DNAJC1: variants seen among roughly 807,000 people sequenced by gnomAD.
DNAJC1 encodes the protein DnaJ heat shock protein family (Hsp40) member C1, also known as dnaJ homolog subfamily C member 1.
Under a neutral mutation model 76.6 loss-of-function variants are expected in DNAJC1, and 58 were observed. The observed-to-expected ratio is 0.76, with a 90% CI of 0.61 to 0.94. DNAJC1 has a LOEUF of 0.94. Ranked by LOEUF, DNAJC1 falls within the 40% of genes least tolerant of loss-of-function variation. The probability of loss-of-function intolerance (pLI) is 0.00; values close to 1 mark genes in which losing one functional copy is unlikely to be tolerated. For synonymous variants in DNAJC1, 258 were observed against 267.9 expected, an observed-to-expected ratio of 0.96 and a Z score of 0.36; for missense variants, 689 against 677.3, an observed-to-expected ratio of 1.02 and a Z score of -0.19.
intron 3 of DNAJC1, among the ~76,000 whole-genome samples, chr10:21,928,226 A>G (rs1467143186): frequency 6.6e-6 from 1 of 152,140 alleles, no homozygotes; most frequent in Non-Finnish European, 1.5e-5. Flanking sequence ...TGTATCTCCC[A>G]GGGCATAAAC....
At chr10:21,803,589 C>CTG (rs113615504) in intron 9 of DNAJC1, among the ~76,000 whole-genome samples, 26,658 of 140,508 alleles carry the variant, frequency 0.19, 2,891 homozygotes, top group African/African-American at 0.35. Flanking sequence ...GAGTGATTTT[C>CTG]TGTGTGTGTG....
intron 8 of DNAJC1, among the ~76,000 whole-genome samples, chr10:21,867,080 T>C (rs936247370): frequency 2.0e-5 from 3 of 152,106 alleles, no homozygotes; most frequent in Non-Finnish European, 4.4e-5. Flanking sequence ...AATATCAGTA[T>C]AGTAATTCTT....
intron 3 of DNAJC1, among the ~76,000 whole-genome samples, chr10:21,923,087 G>C (rs1796234737): frequency 6.6e-6 from 1 of 151,754 alleles, no homozygotes; most frequent in Admixed American, 6.6e-5. Context: ...AATTGTATTT[G>C]GTGTACAAAT....
At chr10:21,793,187 T>C (rs961557891) in intron 9 of DNAJC1, among the ~76,000 whole-genome samples, 21 of 152,170 alleles carry the variant, frequency 1.4e-4, no homozygotes, top group Middle Eastern at 3.4e-3. Flanking sequence ...ATGCCTGTAA[T>C]CCCAGCTACT....
In DNAJC1 at chr10:21,919,892, T is replaced by C. The variant is rs777562087; in HGVS notation, c.575A>G (p.Lys192Arg). Residue 192 changes from lysine (K) to arginine (R), a missense_variant, in exon 5 of 12, where the codon AAA (lysine) becomes AGA (arginine). By Grantham distance (26) the Lys-to-Arg change is conservative. Transcript: ENST00000376980. The part of the protein sequence containing the change: ...LLSRKKREKK[K>R]KTGSKSVDVS... ...ATCCACACTCTTGCTGCCAGTCTTT[T>C]TTTTCTTTTCTCTCTTTTTTCTACT... is the stretch of plus-strand genomic sequence containing the variant. The C allele has an allele frequency of 2.5e-6, 4 of 1,608,320 alleles. No individual in the cohort carries two copies. The Admixed American group carries it at 5.1e-5, about 20-fold the overall frequency.
chr10:21,899,921 A>C (rs1423692163), intron 7 of DNAJC1, among the ~76,000 whole-genome samples: 2 of 152,190 alleles, frequency 1.3e-5, no homozygotes, highest in Non-Finnish European at 2.9e-5. Flanking sequence ...ACTTTCCAGG[A>C]CTGGAAGTTG....
At chr10:21,789,177 C>T (rs150074247) in intron 9 of DNAJC1, among the ~76,000 whole-genome samples, 1 of 152,344 alleles carries the variant, frequency 6.6e-6, no homozygotes, top group African/African-American at 2.4e-5. Context: ...AAAGCCCCTA[C>T]AACCAAAGAA....
intron 1 of DNAJC1, among the ~76,000 whole-genome samples, chr10:21,966,383 T>G (rs1161038893): frequency 1.3e-5 from 2 of 152,102 alleles, no homozygotes; most frequent in East Asian, 1.9e-4. Context: ...TGAGCATCCA[T>G]TGATAATTCT....
intron 8 of DNAJC1, among the ~76,000 whole-genome samples, chr10:21,835,132 C>A (rs1482672446): frequency 6.6e-6 from 1 of 152,120 alleles, no homozygotes; most frequent in African/African-American, 2.4e-5. Flanking sequence ...GACAAAACTT[C>A]CAGAGGAACG....
intron 8 of DNAJC1, among the ~76,000 whole-genome samples, chr10:21,811,778 A>G (rs1478746848): frequency 6.6e-6 from 1 of 152,114 alleles, no homozygotes; most frequent in East Asian, 1.9e-4. Context: ...ATATTGTGTA[A>G]AACTCTCTCA....
chr10:21,819,357 C>T (rs919393923), intron 8 of DNAJC1, among the ~76,000 whole-genome samples: 7 of 151,808 alleles, frequency 4.6e-5, no homozygotes, highest in African/African-American at 7.3e-5. Context: ...GCCGAGATCA[C>T]GCCACTGCAC....
chr10:21,810,993 G>A (rs777556917), intron 8 of DNAJC1, among the ~76,000 whole-genome samples: 1 of 152,142 alleles, frequency 6.6e-6, no homozygotes, highest in African/African-American at 2.4e-5. Context: ...CAGCTACCAC[G>A]GGGTACTTTA....
chr10:21,974,993 T>C (rs1838039026), intron 1 of DNAJC1, among the ~76,000 whole-genome samples: 1 of 152,232 alleles, frequency 6.6e-6, no homozygotes, highest in African/African-American at 2.4e-5. Flanking sequence ...ATTATGTTTA[T>C]GAATATATAT....
At chr10:21,818,442 G>C (rs1240265851) in intron 8 of DNAJC1, among the ~76,000 whole-genome samples, 3 of 152,196 alleles carry the variant, frequency 2.0e-5, no homozygotes, top group African/African-American at 4.8e-5. Flanking sequence ...GTGGTCCTGT[G>C]ATCTCGCCCT....
At chr10:21,857,632 T>C (rs1033038528) in intron 8 of DNAJC1, among the ~76,000 whole-genome samples, 5 of 152,136 alleles carry the variant, frequency 3.3e-5, no homozygotes, top group African/African-American at 1.2e-4. Context: ...GATGTGTGTA[T>C]ATGTATCCAT....
intron 1 of DNAJC1, among the ~76,000 whole-genome samples, chr10:21,934,583 T>C (rs1044828782): frequency 9.2e-5 from 14 of 152,186 alleles, no homozygotes; most frequent in African/African-American, 3.4e-4. Flanking sequence ...TATTATACTG[T>C]ATTTTTACTA....
chr10:21,922,908 C>G (rs998214271), intron 3 of DNAJC1, among the ~76,000 whole-genome samples: 13 of 151,928 alleles, frequency 8.6e-5, no homozygotes, highest in Admixed American at 3.9e-4. Flanking sequence ...GGAGACAATT[C>G]CCTAATAGCA....
At chr10:21,968,786 A>C (rs533727561) in intron 1 of DNAJC1, among the ~76,000 whole-genome samples, 1 of 152,306 alleles carries the variant, frequency 6.6e-6, no homozygotes, top group African/African-American at 2.4e-5. Context: ...CTGGGATTAC[A>C]GGGGTGAGCC....
Position 21,882,214 on chromosome 10 carries a change from T to A in DNAJC1, c.978+68A>T, listed in dbSNP as rs1836293158. 6 of 1,413,706 alleles carry A rather than the reference T, an allele frequency of 4.2e-6. No individual in the cohort carries two copies. The East Asian group carries it at 9.8e-5, about 23-fold the overall frequency. 87.6% of individuals were successfully genotyped at this position (1,413,706 alleles called of 1,614,324 possible). On this transcript the variant is annotated intron_variant, in intron 8 of 11. Coordinates refer to ENST00000376980, the MANE Select transcript of DNAJC1 (RefSeq NM_022365.4). ...TAAAACAAAGCACTATATCGTGAGC[T>A]AACCCTGTATTTTATGTGCTTTTCT...
Sources: allele counts gnomAD v4.1 joint callset (sites outside exome capture counted in the v4.1 genomes callset), GRCh38; gene constraint gnomAD v4.1.1; transcripts MANE v1.5; gene names NCBI Gene and HGNC (gene_info 2026-07-23, HGNC 2026-07-21).